COG6: variants seen among roughly 807,000 people sequenced by gnomAD.
COG6 encodes the protein conserved oligomeric Golgi complex subunit 6.
COG6 carries 74 observed loss-of-function variants against 88.8 expected under a neutral mutation model. The ratio of observed to expected loss-of-function variants is 0.83; its 90% CI spans 0.69 to 1.01. The LOEUF is 1.01. COG6 is among the 50% of genes least tolerant of loss of function. The pLI is 0.00. For missense variants in COG6, 800 were observed against 797.9 expected (o/e 1.00, Z -0.03); for synonymous variants, 286 against 278.7 (o/e 1.03, Z -0.26).
chr13:39,788,964 A>T (rs1200972699), exon 19 of COG6: 1 of 152,810 alleles, frequency 6.5e-6, no homozygotes, highest in African/African-American at 2.4e-5. Flanking sequence ...ATGAATAGGT[A>T]ATAGCATGTA....
At chr13:39,749,121 G>C (rs1280050455) in intron 18 of COG6, among the ~76,000 whole-genome samples, 1 of 152,156 alleles carries the variant, frequency 6.6e-6, no homozygotes, top group Non-Finnish European at 1.5e-5. Context: ...GCTAGTCACA[G>C]TCATGTACTC....
At chr13:39,791,336 G>A (rs899759577) in exon 19 of COG6, 2 of 151,926 alleles carry the variant, frequency 1.3e-5, no homozygotes, top group Non-Finnish European at 2.9e-5. Flanking sequence ...CTTCTCTTTC[G>A]ACTAATTAAT....
At chr13:39,772,685 G>A (rs1449377414) in intron 18 of COG6, among the ~76,000 whole-genome samples, 1 of 152,238 alleles carries the variant, frequency 6.6e-6, no homozygotes, top group Non-Finnish European at 1.5e-5. Context: ...GTGCTGGCCT[G>A]AGAACTCAGT....
At chr13:39,656,668 T>C (rs575106430) in intron 1 of COG6, among the ~76,000 whole-genome samples, 3 of 152,236 alleles carry the variant, frequency 2.0e-5, no homozygotes, top group African/African-American at 7.2e-5. Context: ...GAAAATAAGC[T>C]GTCGATAACA....
At chr13:39,718,472 A>G (rs1435232868) in intron 13 of COG6, among the ~76,000 whole-genome samples, 1 of 152,090 alleles carries the variant, frequency 6.6e-6, no homozygotes, top group Admixed American at 6.6e-5. Context: ...TTTATGTATC[A>G]TGGTGCCACC....
At chr13:39,757,894 G>A (rs1055713309) in intron 18 of COG6, among the ~76,000 whole-genome samples, 1 of 152,072 alleles carries the variant, frequency 6.6e-6, no homozygotes, top group East Asian at 1.9e-4. Flanking sequence ...GATCGGCTGT[G>A]TATCCAAAAT....
chr13:39,667,092 T>C (rs544915472), intron 4 of COG6, among the ~76,000 whole-genome samples: 2 of 152,278 alleles, frequency 1.3e-5, no homozygotes, highest in South Asian at 2.1e-4. Context: ...TTGTTTAATA[T>C]ATTAGGATTC....
chr13:39,671,816 G>A (rs1455777321), intron 4 of COG6, among the ~76,000 whole-genome samples: 1 of 151,716 alleles, frequency 6.6e-6, no homozygotes, highest in Non-Finnish European at 1.5e-5. Context: ...TCCATGTTCA[G>A]CCAGGAACCT....
In COG6 at chr13:39,746,335, G is replaced by A. The variant is rs368390650; in HGVS notation, c.1827-4611G>A. On this transcript the variant is annotated intron_variant, in intron 18 of 18. Transcript: ENST00000455146. ...AGAAACAGTCCTGAAAGTACTTCCC[G>A]TCAGCTATGGACTAGGCTGTGATTG... 1.3e-4 allele frequency among the ~76,000 whole-genome samples: 20 copies of A among 151,792 alleles called. No individual in the cohort carries two copies. The East Asian group carries it at 2.3e-3, about 18-fold the overall frequency.
At position 39,687,490 on chromosome 13, in the gene COG6, T is replaced by C. The variant is rs904226666; in HGVS notation, c.789-13T>C. 1 of 1,611,146 alleles carries C rather than the reference T, an allele frequency of 6.2e-7. No homozygotes were observed. Among genetic ancestry groups the C allele is most frequent in the African/African-American group, 1.3e-5 (1 of 74,902 alleles). On this transcript the variant is annotated splice_polypyrimidine_tract_variant and intron_variant, in intron 8 of 18. Transcript: ENST00000455146. ...CAACCCCAACCATTTTTTATATAACTTGTTTCTTCTAGATATACCTTAGAT... is the reference window on the plus strand; with the variant it reads ...CAACCCCAACCATTTTTTATATAACCTGTTTCTTCTAGATATACCTTAGAT...
At chr13:39,736,418 C>A (rs912939444) in intron 18 of COG6, among the ~76,000 whole-genome samples, 1 of 152,080 alleles carries the variant, frequency 6.6e-6, no homozygotes, top group African/African-American at 2.4e-5. Context: ...TTTGGCCAGG[C>A]GCAGTGTCTC....
chr13:39,736,419 G>A (rs1593462484), intron 18 of COG6, among the ~76,000 whole-genome samples: 1 of 152,080 alleles, frequency 6.6e-6, no homozygotes, highest in Non-Finnish European at 1.5e-5. Flanking sequence ...TTGGCCAGGC[G>A]CAGTGTCTCA....
intron 16 of COG6, 104 bp downstream of exon 16, chr13:39,723,544 G>T: frequency 1.4e-6 from 1 of 730,732 alleles, no homozygotes; most frequent in Non-Finnish European, 2.5e-6. Context: ...TATTAGCTGT[G>T]TTCTCCTGGG....
At chr13:39,759,926 A>T (rs1880960252) in intron 18 of COG6, among the ~76,000 whole-genome samples, 1 of 152,198 alleles carries the variant, frequency 6.6e-6, no homozygotes, top group African/African-American at 2.4e-5. Flanking sequence ...TTGAGGGTAT[A>T]TAGCATCTTT....
At chr13:39,752,940 G>T (rs1880714862), downstream of COG6, among the ~76,000 whole-genome samples, 1 of 152,184 alleles carries the variant, frequency 6.6e-6, no homozygotes, top group Admixed American at 6.5e-5. Context: ...AAAGGTGTTT[G>T]AATGGCAAAA....
intron 18 of COG6, among the ~76,000 whole-genome samples, chr13:39,730,810 T>TA (rs1879404420): frequency 8.8e-6 from 1 of 113,458 alleles, no homozygotes; most frequent in South Asian, 2.9e-4. Context: ...GATTTAACAT[T>TA]AAAGGAGATT....
chr13:39,759,225 T>A (rs1160944771), intron 18 of COG6, among the ~76,000 whole-genome samples: 1 of 152,208 alleles, frequency 6.6e-6, no homozygotes, highest in Non-Finnish European at 1.5e-5. Context: ...TTATATGAAT[T>A]TTTTCTTAAA....
At chr13:39,722,953 G>A (rs1487759259) in intron 15 of COG6, among the ~76,000 whole-genome samples, 1 of 152,098 alleles carries the variant, frequency 6.6e-6, no homozygotes, top group Non-Finnish European at 1.5e-5. Flanking sequence ...AGTCAGTCTA[G>A]AAAGTTGGGA....
Position 39,687,803 on chromosome 13 carries a change from G to A in COG6, c.1009+4G>A. 1.2e-6 allele frequency: 2 copies of A among 1,600,982 alleles called. No homozygotes were observed. The highest frequency in any genetic ancestry group is 1.7e-6 in the Non-Finnish European group (2 of 1,168,396). On this transcript the variant is annotated splice_donor_region_variant and intron_variant, in intron 10 of 18. Transcript: ENST00000455146. ...TTAAAGCATGTAACTACACAAGGTG[G>A]GTCCACCAATTGTATTGCTAATGCC...
Sources: allele counts gnomAD v4.1 joint callset (sites outside exome capture counted in the v4.1 genomes callset), GRCh38; gene constraint gnomAD v4.1.1; transcripts MANE v1.5; gene names NCBI Gene and HGNC (gene_info 2026-07-23, HGNC 2026-07-21).